The following HGD variants were observed in gnomAD, a reference collection of about 807,000 sequenced individuals.
The protein encoded by HGD is homogentisate oxidase.
In HGD, 61 loss-of-function variants were observed where a neutral mutation model predicts 60.8. The ratio of observed to expected loss-of-function variants is 1.00; its 90% CI spans 0.82 to 1.24. HGD has a LOEUF of 1.24. Among genes scored for constraint, HGD ranks in the 50% most tolerant of loss-of-function variants. HGD has a pLI of 0.00. For missense variants in HGD, 542 were observed against 547.1 expected (o/e 0.99, Z 0.09); for synonymous variants, 212 against 187.7 (o/e 1.13, Z -1.06).
At chr3:120,633,948 T>C (rs1028784748) in intron 12 of HGD, among the ~76,000 whole-genome samples, 6 of 152,060 alleles carry the variant, frequency 3.9e-5, no homozygotes, top group Admixed American at 1.3e-4. Context: ...TTATCTTCTA[T>C]AGATGAATCT....
At chr3:120,648,307 C>T (rs1485948979) in intron 6 of HGD, among the ~76,000 whole-genome samples, 1 of 152,186 alleles carries the variant, frequency 6.6e-6, no homozygotes, top group Non-Finnish European at 1.5e-5. Flanking sequence ...ACAGCAAGTG[C>T]AAGTGCTTAG....
At chr3:120,669,229 T>C (rs1253489325) in intron 4 of HGD, among the ~76,000 whole-genome samples, 1 of 152,018 alleles carries the variant, frequency 6.6e-6, no homozygotes, top group Non-Finnish European at 1.5e-5. Context: ...CTGTATTGAA[T>C]GTATTTTCTA....
chr3:120,628,430 G>A lies in HGD; in HGVS notation c.1288C>T (p.Leu430Phe), dbSNP rs1488335518. Reference sequence around the variant, plus strand: ...GAGTTGGGAGTGAAGTGGCTCTTGAGTGGCTCCCAGCACTTGTGGTAGTTC... The same window carrying A: ...GAGTTGGGAGTGAAGTGGCTCTTGAATGGCTCCCAGCACTTGTGGTAGTTC... The part of the protein sequence containing the change: ...DENYHKCWEP[L>F]KSHFTPNSRN... Residue 430 changes from leucine to phenylalanine, a missense_variant, in exon 14 of 14, where the codon CTC (leucine) becomes TTC (phenylalanine). Coordinates refer to ENST00000283871, the MANE Select transcript of HGD (RefSeq NM_000187.4). 6.2e-7 allele frequency: 1 copy of A among 1,613,952 alleles called. No individual in the cohort carries two copies. Among genetic ancestry groups the A allele is most frequent in the Non-Finnish European group, 8.5e-7 (1 of 1,180,000 alleles).
chr3:120,661,839 A>T (rs1201656607), intron 4 of HGD, among the ~76,000 whole-genome samples: 1 of 152,256 alleles, frequency 6.6e-6, no homozygotes, highest in Non-Finnish European at 1.5e-5. Flanking sequence ...ATAGAATGAT[A>T]GGATCTGAAC....
Position 120,638,670 on chromosome 3 carries a change from G to A in HGD, c.880-89C>T, listed in dbSNP as rs1159386624. The A allele has an allele frequency of 6.5e-5, 93 of 1,440,586 alleles. 1 individual carries two copies. Among genetic ancestry groups the A allele is most frequent in the Non-Finnish European group, 8.3e-5 (86 of 1,031,190 alleles). 89.2% of individuals were successfully genotyped at this position (1,440,586 alleles called of 1,614,324 possible). The stretch of plus-strand genomic sequence containing the variant: ...ATTTCATGCATACATGAAGGTGTTT[G>A]CAAGTGACATTCTAATTTTTTTATT... On this transcript the variant is annotated intron_variant, in intron 11 of 13. Coordinates refer to ENST00000283871, the MANE Select transcript of HGD (RefSeq NM_000187.4).
At chr3:120,676,492 C>T (rs1708133769) in intron 1 of HGD, among the ~76,000 whole-genome samples, 1 of 152,148 alleles carries the variant, frequency 6.6e-6, no homozygotes, top group Admixed American at 6.5e-5. Flanking sequence ...TGGAGAGCCC[C>T]TGAAACTTAC....
Position 120,648,799 on chromosome 3 carries a change from C to T in HGD, c.435-888G>A, listed in dbSNP as rs142493787. On this transcript the variant is annotated intron_variant, in intron 6 of 13. Coordinates refer to ENST00000283871, the MANE Select transcript of HGD (RefSeq NM_000187.4). ...GAGGGCTGGGTCATGGGTCACTGGT[C>T]ACTCATATTTGGCTCAGAATACATC... 5.4e-3 allele frequency among the ~76,000 whole-genome samples: 826 copies of T among 152,304 alleles called. 10 individuals are homozygous for T. Among genetic ancestry groups the T allele is most frequent in the African/African-American group, 0.019 (778 of 41,564 alleles).
At chr3:120,640,877 G>C (rs4676810) in intron 11 of HGD, among the ~76,000 whole-genome samples, 20,501 of 152,048 alleles carry the variant, frequency 0.13, 1,780 homozygotes, top group Non-Finnish European at 0.2. Context: ...TCTGACTTCT[G>C]CTCTAATTAT....
At chr3:120,653,033 G>C (rs1328499471) in intron 4 of HGD, among the ~76,000 whole-genome samples, 1 of 152,132 alleles carries the variant, frequency 6.6e-6, no homozygotes, top group Non-Finnish European at 1.5e-5. Context: ...TTATAATCAG[G>C]TCCCTTTCCT....
At chr3:120,640,149 A>AGAAG (rs553132696) in intron 11 of HGD, among the ~76,000 whole-genome samples, 15,142 of 148,184 alleles carry the variant, frequency 0.1, 1,030 homozygotes, top group Middle Eastern at 0.16. Flanking sequence ...AAGGAAGGAA[A>AGAAG]GAAGGAAGGA....
intron 1 of HGD, among the ~76,000 whole-genome samples, chr3:120,680,895 C>T (rs370716135): frequency 2.0e-5 from 3 of 152,338 alleles, no homozygotes; most frequent in East Asian, 3.9e-4. Context: ...AGTTTAGGTA[C>T]AGGCTCCTTT....
At chr3:120,670,393 A>G in intron 4 of HGD, 34 bp downstream of exon 4, 1 of 1,010,574 alleles carries the variant, frequency 9.9e-7, no homozygotes, top group East Asian at 2.4e-5. Flanking sequence ...GGCTTTGGGT[A>G]TATGATAAGC....
At chr3:120,677,057 T>A (rs1708144940) in intron 1 of HGD, among the ~76,000 whole-genome samples, 1 of 152,156 alleles carries the variant, frequency 6.6e-6, no homozygotes, top group African/African-American at 2.4e-5. Context: ...CCAGTCAATA[T>A]CCTTGTGATT....
intron 12 of HGD, chr3:120,633,547 T>A: frequency 6.8e-7 from 1 of 1,478,946 alleles, no homozygotes; most frequent in Non-Finnish European, 9.0e-7. Flanking sequence ...ATGTGGATTA[T>A]CAGAGGTCTC....
chr3:120,672,411 C>T (rs2107551694), intron 3 of HGD, among the ~76,000 whole-genome samples: 1 of 152,316 alleles, frequency 6.6e-6, no homozygotes, highest in Middle Eastern at 3.4e-3. Context: ...TCAGAGGGTA[C>T]TGCCCTGACA....
chr3:120,632,475 A>G (rs1430909629), intron 13 of HGD, among the ~76,000 whole-genome samples: 1 of 152,238 alleles, frequency 6.6e-6, no homozygotes, highest in Non-Finnish European at 1.5e-5. Flanking sequence ...CAGGAAGAAT[A>G]CAAAACAGGT....
chr3:120,671,984 T>C (rs1708034453), intron 3 of HGD, among the ~76,000 whole-genome samples: 1 of 150,048 alleles, frequency 6.7e-6, no homozygotes, highest in African/African-American at 2.5e-5. Context: ...CTGGGGCCTG[T>C]TGGGGGGTGG....
intron 4 of HGD, among the ~76,000 whole-genome samples, chr3:120,664,442 T>TTTG (rs1707852579): frequency 6.7e-6 from 1 of 148,362 alleles, no homozygotes; most frequent in Non-Finnish European, 1.5e-5. Flanking sequence ...TTTTTTTTTT[T>TTTG]TCTGAGATAG....
At chr3:120,648,885 G>A (rs1941245291) in intron 6 of HGD, among the ~76,000 whole-genome samples, 1 of 152,134 alleles carries the variant, frequency 6.6e-6, no homozygotes, top group Non-Finnish European at 1.5e-5. Context: ...TTTGGCACCT[G>A]GACACATTGG....
Sources: gnomAD v4.1 joint callset for allele counts (sites outside exome capture counted in the v4.1 genomes callset) on GRCh38, gnomAD v4.1.1 for gene constraint, MANE v1.5 for transcripts, NCBI Gene and HGNC (gene_info 2026-07-23, HGNC 2026-07-21) for gene names.